Variants in ACACB observed in about 807,000 individuals in gnomAD.
ACACB encodes the protein acetyl-CoA carboxylase 2.
Under a neutral mutation model 278.8 loss-of-function variants are expected in ACACB, and 209 were observed. The ratio of observed to expected loss-of-function variants is 0.75; its 90% CI spans 0.67 to 0.84. The LOEUF (loss-of-function observed/expected upper bound fraction) is 0.84, where lower values mean the gene tolerates loss of function less well. Among genes scored for constraint, ACACB ranks in the 40% least tolerant of loss-of-function variants. The pLI, the probability that ACACB is intolerant of heterozygous loss-of-function variation, is 0.00. For missense variants in ACACB, 2,850 were observed against 3,269.0 expected, an observed-to-expected ratio of 0.87 and a Z score of 3.13; for synonymous variants, 1,174 against 1,285.6, an observed-to-expected ratio of 0.91 and a Z score of 1.86.
intron 1 of ACACB, among the ~76,000 whole-genome samples, chr12:109,120,805 C>T (rs957532897): frequency 6.6e-6 from 1 of 152,196 alleles, no homozygotes; most frequent in African/African-American, 2.4e-5. Flanking sequence ...CTCTGCCACT[C>T]ACTGATGTGA....
chr12:109,210,328 T>C lies in ACACB; in HGVS notation c.3249+975T>C, dbSNP rs1357808525. ...ATATACACACACATATCTGTGTATA[T>C]ATGTATATACACGCACACACATATC... On this transcript the variant is annotated intron_variant, in intron 21 of 52. Coordinates refer to ENST00000338432, the MANE Select transcript of ACACB (RefSeq NM_001093.4). Among the ~76,000 whole-genome samples the C allele has an allele frequency of 3.8e-4, 45 of 118,880 alleles. 8 individuals are homozygous for C. The highest frequency in any genetic ancestry group is 1.4e-3 in the African/African-American group (43 of 30,374). 78.0% of individuals were successfully genotyped at this position (118,880 alleles called of 152,430 possible). A position where few individuals can be genotyped will look rare whatever the true frequency, so the allele number is the denominator to read the frequency against.
chr12:109,190,956 T>C (rs2044855146), intron 13 of ACACB, among the ~76,000 whole-genome samples: 1 of 152,166 alleles, frequency 6.6e-6, no homozygotes, highest in South Asian at 2.1e-4. Flanking sequence ...TTAACTATTA[T>C]AGTCAATAAT....
intron 1 of ACACB, among the ~76,000 whole-genome samples, chr12:109,124,935 C>G (rs11065626): frequency 6.6e-6 from 1 of 152,262 alleles, no homozygotes; most frequent in East Asian, 1.9e-4. Context: ...AGGCTGGTCT[C>G]AAACCTGAGC....
chr12:109,135,936 A>G (rs541058732), intron 1 of ACACB, among the ~76,000 whole-genome samples: 1 of 151,462 alleles, frequency 6.6e-6, no homozygotes, highest in African/African-American at 2.4e-5. Context: ...CAGTCTCCCA[A>G]GTAGCTGGGA....
intron 5 of ACACB, 71 bp downstream of exon 5, chr12:109,171,985 C>T (rs1178651763): frequency 1.8e-5 from 24 of 1,303,940 alleles, no homozygotes; most frequent in Admixed American, 5.4e-5. Flanking sequence ...AGTTCAATTC[C>T]ACAGTTCACA....
intron 2 of ACACB, among the ~76,000 whole-genome samples, chr12:109,153,865 G>A (rs1447514650): frequency 6.6e-6 from 1 of 152,186 alleles, no homozygotes; most frequent in Admixed American, 6.5e-5. Flanking sequence ...GTGTCACCAT[G>A]TTGGCCAGGC....
rs2046202416 is a variant in ACACB, at chr12:109,222,567, C to G, written c.3625C>G (p.Leu1209Val). ...SDELISILNE[L>V]TQLSKSEHCK... ...CGAGCTGATCTCCATCCTCAACGAG[C>G]TCACTCAGCTGAGCAAAAGCGAGCA... The change falls in exon 25 of 53, where the codon CTC becomes GTC. Residue 1209 changes from leucine (L) to valine (V), a missense_variant. Leu to Val is a conservative substitution (Grantham distance 32, BLOSUM62 1). Transcript: ENST00000338432. 1 of 1,614,206 alleles carries G rather than the reference C, an allele frequency of 6.2e-7. No individual in the cohort carries two copies. The highest frequency in any genetic ancestry group is 8.5e-7 in the Non-Finnish European group (1 of 1,180,034).
chr12:109,161,374 C>T (rs1188805135), intron 2 of ACACB, among the ~76,000 whole-genome samples: 1 of 152,026 alleles, frequency 6.6e-6, no homozygotes, highest in Non-Finnish European at 1.5e-5. Flanking sequence ...AAAACCCCGT[C>T]TCTACTAAAA....
intron 19 of ACACB, among the ~76,000 whole-genome samples, chr12:109,206,162 G>A (rs1021437079): frequency 2.0e-5 from 3 of 152,036 alleles, no homozygotes; most frequent in South Asian, 2.1e-4. Flanking sequence ...TCGGCCGGGC[G>A]CAGTGGCTCA....
At chr12:109,262,246 C>A (rs902143643) in intron 48 of ACACB, 111 bp from the exon 49 acceptor site, 2 of 780,874 alleles carry the variant, frequency 2.6e-6, no homozygotes, top group African/African-American at 1.7e-5. Flanking sequence ...GAGCTGAGGA[C>A]TGACACCCAG....
chr12:109,206,455 C>T (rs376949535), intron 19 of ACACB, among the ~76,000 whole-genome samples: 12 of 130,842 alleles, frequency 9.2e-5, no homozygotes, highest in African/African-American at 4.2e-4. Context: ...CAGATCTCAC[C>T]GCCACCCCAC....
At chr12:109,131,119 C>T (rs916491745) in intron 1 of ACACB, among the ~76,000 whole-genome samples, 6 of 152,172 alleles carry the variant, frequency 3.9e-5, no homozygotes, top group African/African-American at 1.4e-4. Flanking sequence ...CTCAAGCCCA[C>T]GAAGCCCCTG....
At chr12:109,186,598 A>C (rs1464790486) in intron 12 of ACACB, among the ~76,000 whole-genome samples, 1 of 151,990 alleles carries the variant, frequency 6.6e-6, no homozygotes, top group Non-Finnish European at 1.5e-5. Flanking sequence ...ATGCATACCG[A>C]CCGTTGATTG....
chr12:109,226,418 G>A (rs987330456), intron 27 of ACACB, among the ~76,000 whole-genome samples: 1 of 152,124 alleles, frequency 6.6e-6, no homozygotes, highest in African/African-American at 2.4e-5. Flanking sequence ...ATCAGAACGC[G>A]GCCAGGTACG....
chr12:109,150,051 A>G (rs982988432), intron 2 of ACACB, among the ~76,000 whole-genome samples: 5 of 152,206 alleles, frequency 3.3e-5, no homozygotes, highest in African/African-American at 1.2e-4. Flanking sequence ...GGTTGGGATC[A>G]GGCTTCATTG....
At chr12:109,173,155 A>T (rs1181981919) in intron 6 of ACACB, among the ~76,000 whole-genome samples, 3 of 152,190 alleles carry the variant, frequency 2.0e-5, no homozygotes, top group African/African-American at 7.2e-5. Flanking sequence ...AGCAGACACT[A>T]CTTGAGGGTG....
At chr12:109,188,223 TTCCTTCCTTCCC>T (rs2044738920) in intron 13 of ACACB, 61 bp downstream of exon 13, 4 of 1,200,776 alleles carry the variant, frequency 3.3e-6, no homozygotes, top group Non-Finnish European at 4.5e-6. Context: ...CCTTCCTTCC[TTCCTTCCTTCCC>T]TCTCTCCCTT....
chr12:109,247,571 A>T (rs1260619271), intron 39 of ACACB, 35 bp from the exon 40 acceptor site: 1 of 1,505,106 alleles, frequency 6.6e-7, no homozygotes, highest in Admixed American at 1.7e-5. Flanking sequence ...AGTGCAGGGA[A>T]CTGGATTCGT....
At chr12:109,248,696 T>A (rs1390674892) in intron 40 of ACACB, among the ~76,000 whole-genome samples, 1 of 152,200 alleles carries the variant, frequency 6.6e-6, no homozygotes, top group Non-Finnish European at 1.5e-5. Context: ...CGCACCCACA[T>A]TGAGGATGGG....
Sources: gnomAD v4.1 joint callset for allele counts (sites outside exome capture counted in the v4.1 genomes callset) on GRCh38, gnomAD v4.1.1 for gene constraint, MANE v1.5 for transcripts, NCBI Gene and HGNC (gene_info 2026-07-23, HGNC 2026-07-21) for gene names.